The following CCDC73 variants were observed in gnomAD, a reference collection of about 807,000 sequenced individuals.
CCDC73 encodes coiled-coil domain-containing protein 73.
In CCDC73, 95 loss-of-function variants were observed where a neutral mutation model predicts 116.5. The ratio of observed to expected loss-of-function variants is 0.82; its 90% confidence interval spans 0.69 to 0.97. The LOEUF (loss-of-function observed/expected upper bound fraction) is 0.97, where lower values mean the gene tolerates loss of function less well. Ranked by LOEUF, CCDC73 falls within the 50% of genes least tolerant of loss-of-function variation. The pLI is 0.00. For synonymous variants in CCDC73, 398 were observed against 401.3 expected (o/e 0.99, Z 0.10); for missense variants, 1,066 against 1,206.8 (o/e 0.88, Z 1.73).
intron 9 of CCDC73, among the ~76,000 whole-genome samples, chr11:32,674,695 T>C (rs1330015146): frequency 6.6e-6 from 1 of 152,216 alleles, no homozygotes; most frequent in Admixed American, 6.5e-5. Context: ...ATAGAGGTTA[T>C]GTTCTTCCTG....
chr11:32,773,344 C>A (rs1757530480), intron 1 of CCDC73, among the ~76,000 whole-genome samples: 1 of 152,062 alleles, frequency 6.6e-6, no homozygotes, highest in Admixed American at 6.6e-5. Flanking sequence ...TTAAAATGTT[C>A]TAAAATTGAT....
intron 2 of CCDC73, among the ~76,000 whole-genome samples, chr11:32,754,060 T>C (rs1467790310): frequency 2.6e-5 from 4 of 152,268 alleles, no homozygotes; most frequent in Non-Finnish European, 5.9e-5. Context: ...TTACAGCATT[T>C]CAACATGGTT....
At chr11:32,762,257 T>C (rs916258374) in intron 1 of CCDC73, among the ~76,000 whole-genome samples, 1 of 152,160 alleles carries the variant, frequency 6.6e-6, no homozygotes, top group African/African-American at 2.4e-5. Context: ...TAAAACATTT[T>C]AAAATCTTCT....
intron 12 of CCDC73, among the ~76,000 whole-genome samples, chr11:32,649,206 T>C (rs1263200791): frequency 1.3e-5 from 2 of 152,114 alleles, no homozygotes; most frequent in East Asian, 1.9e-4. Context: ...AAACCATCTC[T>C]GAAAAAAATT....
chr11:32,653,089 T>C (rs1855840475), intron 12 of CCDC73, 34 bp downstream of exon 12: 1 of 1,243,502 alleles, frequency 8.0e-7, no homozygotes, highest in Non-Finnish European at 1.2e-6. Context: ...AAAACACAGA[T>C]AGATAGACAG....
At chr11:32,785,576 T>C (rs1850620743) in intron 1 of CCDC73, among the ~76,000 whole-genome samples, 1 of 151,660 alleles carries the variant, frequency 6.6e-6, no homozygotes, top group Non-Finnish European at 1.5e-5. Context: ...GAATTTTTTA[T>C]TTTTTTTAGA....
chr11:32,683,980 TAAAC>T (rs1311173048), intron 6 of CCDC73, among the ~76,000 whole-genome samples: 1 of 152,242 alleles, frequency 6.6e-6, no homozygotes, highest in African/African-American at 2.4e-5. Flanking sequence ...ACAACTGTTT[TAAAC>T]AAACAGATCA....
At chr11:32,645,663 T>C (rs1030886551) in intron 12 of CCDC73, among the ~76,000 whole-genome samples, 5 of 152,168 alleles carry the variant, frequency 3.3e-5, no homozygotes, top group African/African-American at 4.8e-5. Context: ...ATACATAAAC[T>C]GGTAACAGTC....
chr11:32,688,682 T>C (rs571009805), intron 6 of CCDC73, among the ~76,000 whole-genome samples: 2 of 152,292 alleles, frequency 1.3e-5, no homozygotes, highest in South Asian at 4.1e-4. Flanking sequence ...CTAAAATCAT[T>C]CAGGAAAATA....
At chr11:32,638,049 A>G (rs1590560799) in intron 13 of CCDC73, among the ~76,000 whole-genome samples, 1 of 152,172 alleles carries the variant, frequency 6.6e-6, no homozygotes, top group East Asian at 1.9e-4. Context: ...ACCTGAGACT[A>G]TTTGATGTCT....
intron 2 of CCDC73, among the ~76,000 whole-genome samples, chr11:32,735,448 C>G (rs927734951): frequency 6.6e-6 from 1 of 152,146 alleles, no homozygotes; most frequent in African/African-American, 2.4e-5. Flanking sequence ...ACCTAGGAAT[C>G]CATCTTACAA....
At chr11:32,759,990 A>C (rs1418500378) in intron 2 of CCDC73, 119 bp downstream of exon 2, 42 of 783,608 alleles carry the variant, frequency 5.4e-5, no homozygotes, top group Non-Finnish European at 7.9e-5. Context: ...CATTAATTGG[A>C]CTATATATTT....
chr11:32,716,327 A>C (rs1402015816), intron 3 of CCDC73, among the ~76,000 whole-genome samples: 1 of 152,168 alleles, frequency 6.6e-6, no homozygotes, highest in Non-Finnish European at 1.5e-5. Context: ...AACATTCACT[A>C]AATTATCTTA....
At chr11:32,696,894 A>G (rs1856316314) in intron 6 of CCDC73, among the ~76,000 whole-genome samples, 1 of 148,808 alleles carries the variant, frequency 6.7e-6, no homozygotes, top group African/African-American at 2.5e-5. Flanking sequence ...TAGTGGCCTG[A>G]TCATGGCTCA....
chr11:32,786,609 A>ACAAG (rs1263811567), intron 1 of CCDC73, among the ~76,000 whole-genome samples: 5 of 147,822 alleles, frequency 3.4e-5, no homozygotes, highest in Non-Finnish European at 5.9e-5. Flanking sequence ...TATTTATTTT[A>ACAAG]TATAAGTATT....
intron 2 of CCDC73, among the ~76,000 whole-genome samples, chr11:32,748,410 A>G (rs1477140083): frequency 1.3e-5 from 2 of 152,234 alleles, no homozygotes; most frequent in African/African-American, 4.8e-5. Flanking sequence ...GCTAATTACC[A>G]AACAAGCAAA....
intron 13 of CCDC73, among the ~76,000 whole-genome samples, chr11:32,641,357 A>G (rs1247663198): frequency 6.6e-6 from 1 of 152,110 alleles, no homozygotes; most frequent in African/African-American, 2.4e-5. Flanking sequence ...TTTATATTTC[A>G]CAACTTGATT....
chr11:32,729,302 A>C (rs984465106), intron 2 of CCDC73, among the ~76,000 whole-genome samples: 10 of 152,228 alleles, frequency 6.6e-5, no homozygotes, highest in African/African-American at 9.7e-5. Context: ...TACTTTGCTG[A>C]GGATAACAGC....
intron 9 of CCDC73, among the ~76,000 whole-genome samples, chr11:32,664,009 C>T (rs1855955642): frequency 6.6e-6 from 1 of 152,156 alleles, no homozygotes; most frequent in Admixed American, 6.5e-5. Flanking sequence ...TTGAACCAAC[C>T]TTGCATCCCA....
Sources: allele counts gnomAD v4.1 joint callset (sites outside exome capture counted in the v4.1 genomes callset), GRCh38; gene constraint gnomAD v4.1.1; transcripts MANE v1.5; gene names NCBI Gene and HGNC (gene_info 2026-07-23, HGNC 2026-07-21).